Variants in NCOR1 observed in about 807,000 individuals in gnomAD.
NCOR1 encodes nuclear receptor corepressor 1, also known as protein phosphatase 1, regulatory subunit 109.
NCOR1 carries 63 observed loss-of-function variants against 288.1 expected under a neutral mutation model. That is an observed-to-expected ratio of 0.22 (90% CI 0.18 to 0.27). The LOEUF (loss-of-function observed/expected upper bound fraction) is 0.27. Ranked by LOEUF, NCOR1 falls within the 10% of genes least tolerant of loss-of-function variation. NCOR1 has a pLI of 1.00. For synonymous variants in NCOR1, 1,007 were observed against 1,065.9 expected (o/e 0.94, Z 1.08); for missense variants, 2,397 against 3,019.2 (o/e 0.79, Z 4.83).
At chr17:16,116,658 G>C (rs1023267721) in intron 18 of NCOR1, among the ~76,000 whole-genome samples, 1 of 152,270 alleles carries the variant, frequency 6.6e-6, no homozygotes, top group South Asian at 2.1e-4. Context: ...GTGCAACTTA[G>C]AACTCGAACA....
At chr17:16,212,761 C>A (rs1193890722) in intron 1 of NCOR1, among the ~76,000 whole-genome samples, 1 of 152,132 alleles carries the variant, frequency 6.6e-6, no homozygotes, top group Non-Finnish European at 1.5e-5. Context: ...TTCACCAATT[C>A]ATAACACAAT....
chr17:16,060,815 C>G, intron 37 of NCOR1, among the ~76,000 whole-genome samples: 1 of 152,050 alleles, frequency 6.6e-6, no homozygotes, highest in East Asian at 1.9e-4. Context: ...AGAATTAAGG[C>G]AATAGTTTAA....
At chr17:16,088,098 C>T (rs1214801353) in intron 22 of NCOR1, among the ~76,000 whole-genome samples, 3 of 150,654 alleles carry the variant, frequency 2.0e-5, no homozygotes, top group Non-Finnish European at 4.4e-5. Context: ...GAATAAATTC[C>T]CACTCATTTT....
chr17:16,050,990 G>A (rs1234121995), intron 40 of NCOR1, among the ~76,000 whole-genome samples: 1 of 151,980 alleles, frequency 6.6e-6, no homozygotes. Context: ...ATGCCACCAT[G>A]CCTGGGCGAT....
intron 14 of NCOR1, among the ~76,000 whole-genome samples, chr17:16,127,524 CGT>C (rs1451612163): frequency 7.7e-6 from 1 of 130,180 alleles, no homozygotes; most frequent in Non-Finnish European, 1.5e-5. Context: ...TATATACACA[CGT>C]GTATATATCT....
intron 31 of NCOR1, among the ~76,000 whole-genome samples, chr17:16,069,174 A>C (rs2061461053): frequency 6.6e-6 from 1 of 152,214 alleles, no homozygotes; most frequent in African/African-American, 2.4e-5. Context: ...AAACTTTACC[A>C]CAATCAAACA....
At chr17:16,140,915 C>T (rs368049016) in intron 11 of NCOR1, among the ~76,000 whole-genome samples, 12 of 150,766 alleles carry the variant, frequency 8.0e-5, no homozygotes, top group Admixed American at 1.3e-4. Context: ...CACTTGAGCC[C>T]GGGAGGTGAA....
intron 14 of NCOR1, among the ~76,000 whole-genome samples, chr17:16,129,552 G>A (rs554303137): frequency 6.6e-6 from 1 of 152,136 alleles, no homozygotes; most frequent in African/African-American, 2.4e-5. Context: ...ACCATGAGTA[G>A]GTCTGCTTTA....
chr17:16,193,209 A>C (rs985742042), intron 2 of NCOR1, among the ~76,000 whole-genome samples: 4 of 152,184 alleles, frequency 2.6e-5, no homozygotes, highest in Non-Finnish European at 5.9e-5. Flanking sequence ...ATATGTGTAT[A>C]TATATAAACT....
At chr17:16,173,792 A>T (rs1270440615) in intron 3 of NCOR1, among the ~76,000 whole-genome samples, 1 of 152,088 alleles carries the variant, frequency 6.6e-6, no homozygotes, top group Admixed American at 6.5e-5. Context: ...TTAGTCAGAC[A>T]TGGTGGTGCT....
Position 16,031,854 on chromosome 17 carries a change from A to C in NCOR1, c.*442T>G, listed in dbSNP as rs1049527042. 14 of 233,710 alleles carry C rather than the reference A, an allele frequency of 6.0e-5. No homozygotes were observed. The highest frequency in any genetic ancestry group is 8.8e-5 in the African/African-American group (4 of 45,270). 14.5% of individuals were successfully genotyped at this position (233,710 alleles called of 1,614,324 possible). ...TGTTTAGAAGGCTAGGGTTAAAAAGATAGATAGACAAAAAGATTTTTAAAA... is the reference window on the plus strand; with the variant it reads ...TGTTTAGAAGGCTAGGGTTAAAAAGCTAGATAGACAAAAAGATTTTTAAAA... On this transcript the variant is annotated 3_prime_UTR_variant, in exon 46 of 46. Coordinates refer to ENST00000268712, the MANE Select transcript of NCOR1 (RefSeq NM_006311.4).
At chr17:16,142,624 A>AC (rs1599329371) in intron 11 of NCOR1, among the ~76,000 whole-genome samples, 1 of 152,302 alleles carries the variant, frequency 6.6e-6, no homozygotes, top group East Asian at 1.9e-4. Context: ...AGATAGCCTG[A>AC]CCCAAAGGTT....
chr17:16,112,117 C>T (rs1363370285), intron 18 of NCOR1, among the ~76,000 whole-genome samples: 2 of 152,156 alleles, frequency 1.3e-5, no homozygotes, highest in Non-Finnish European at 2.9e-5. Flanking sequence ...GATCCACCCA[C>T]CTTGACGTCC....
Position 16,092,683 on chromosome 17 carries a change from ATATATATATATATTTTTT to A in NCOR1, c.2821-643_2821-626del, listed in dbSNP as rs1374891758. 3.3e-3 allele frequency among the ~76,000 whole-genome samples: 58 copies of A among 17,834 alleles called. 3 individuals carry two copies. Among genetic ancestry groups the A allele is most frequent in the African/African-American group, 0.015 (52 of 3,504 alleles). 11.7% of individuals were successfully genotyped at this position (17,834 alleles called of 152,430 possible). ...TATATATATATATATATATATATAT[ATATATATATATATTTTTT>A]TTTTTTTTTTTTTTTAAGACATAGT... is the stretch of plus-strand genomic sequence containing the variant. On this transcript the variant is annotated intron_variant, in intron 21 of 45. Coordinates refer to ENST00000268712, the MANE Select transcript of NCOR1 (RefSeq NM_006311.4).
chr17:16,154,026 T>A (rs1723311181), intron 6 of NCOR1, among the ~76,000 whole-genome samples: 1 of 143,726 alleles, frequency 7.0e-6, no homozygotes, highest in African/African-American at 2.6e-5. Flanking sequence ...TTTTTTTTTT[T>A]TTTTTTTTTT....
chr17:16,082,570 T>A (rs1209842182), intron 23 of NCOR1, among the ~76,000 whole-genome samples: 1 of 151,284 alleles, frequency 6.6e-6, no homozygotes, highest in African/African-American at 2.4e-5. Context: ...AAAAAAAAAA[T>A]TAAAAGCCAG....
chr17:16,068,376 G>A, intron 31 of NCOR1: 1 of 409,728 alleles, frequency 2.4e-6, no homozygotes, highest in Non-Finnish European at 4.4e-6. Context: ...ACCACCTTAT[G>A]TAACATTAAA....
chr17:16,171,043 T>A lies in NCOR1; in HGVS notation c.435+760A>T, dbSNP rs560536858. On this transcript the variant is annotated intron_variant, in intron 4 of 45. Transcript: ENST00000268712. Reference sequence around the variant, plus strand: ...AGCATGGCAACTATAGCTAATAATATGTATTATATATTTAAAAATTGCTAC... The same window carrying A: ...AGCATGGCAACTATAGCTAATAATAAGTATTATATATTTAAAAATTGCTAC... 7.9e-5 allele frequency among the ~76,000 whole-genome samples: 12 copies of A among 152,174 alleles called. No homozygotes were observed. The East Asian group carries it at 1.9e-3, about 24-fold the overall frequency.
At position 16,105,249 on chromosome 17, in the gene NCOR1, C is replaced by A. The variant is rs148809337; in HGVS notation, c.2183-3492G>T. On this transcript the variant is annotated intron_variant, in intron 19 of 45. Coordinates refer to ENST00000268712, the MANE Select transcript of NCOR1 (RefSeq NM_006311.4). ...AAAAACAGAATGGACCTTGTCTCTA[C>A]ACAAAATAAAAAAGTACATTAGTCA... Among the ~76,000 whole-genome samples the A allele has an allele frequency of 6.4e-3, 981 of 152,184 alleles. 8 individuals carry two copies. Among genetic ancestry groups the A allele is most frequent in the African/African-American group, 0.022 (927 of 41,524 alleles).
Sources: allele counts gnomAD v4.1 joint callset (sites outside exome capture counted in the v4.1 genomes callset), GRCh38; gene constraint gnomAD v4.1.1; transcripts MANE v1.5; gene names NCBI Gene and HGNC (gene_info 2026-07-23, HGNC 2026-07-21).